The following AOAH variants were observed in gnomAD, a reference collection of about 807,000 sequenced individuals.
The protein encoded by AOAH is acyloxyacyl hydrolase (neutrophil).
In AOAH, 64 loss-of-function variants were observed where a neutral mutation model predicts 92.2. That is an observed-to-expected ratio of 0.69 (90% confidence interval 0.57 to 0.86). The LOEUF is 0.86. Among genes scored for constraint, AOAH ranks in the 40% least tolerant of loss-of-function variants. AOAH has a pLI of 0.00. For synonymous variants in AOAH, 263 were observed against 254.5 expected, an observed-to-expected ratio of 1.03 and a Z score of -0.32; for missense variants, 656 against 694.6, an observed-to-expected ratio of 0.94 and a Z score of 0.62.
intron 2 of AOAH, among the ~76,000 whole-genome samples, chr7:36,679,745 C>T (rs973685112): frequency 1.3e-5 from 2 of 152,106 alleles, no homozygotes; most frequent in African/African-American, 4.8e-5. Flanking sequence ...GCAACCTCCA[C>T]CTCCAGTGTT....
intron 1 of AOAH, among the ~76,000 whole-genome samples, chr7:36,707,687 G>A (rs1395915934): frequency 6.6e-6 from 1 of 152,130 alleles, no homozygotes; most frequent in African/African-American, 2.4e-5. Flanking sequence ...TCCAGTAAGT[G>A]ATAAGTCATT....
chr7:36,517,070 C>T (rs1783760725), intron 20 of AOAH, among the ~76,000 whole-genome samples: 1 of 152,164 alleles, frequency 6.6e-6, no homozygotes, highest in Non-Finnish European at 1.5e-5. Flanking sequence ...CTATGGGTTT[C>T]TCATACCGCA....
At chr7:36,605,450 G>T (rs1790927303) in intron 11 of AOAH, among the ~76,000 whole-genome samples, 1 of 152,100 alleles carries the variant, frequency 6.6e-6, no homozygotes, top group South Asian at 2.1e-4. Context: ...ATTAACCAGG[G>T]GACAAGAGAT....
Position 36,614,202 on chromosome 7 carries a change from C to T in AOAH, c.846+2178G>A, listed in dbSNP as rs894554763. Reference sequence around the variant, plus strand: ...GCACCACCCCCTTCTCTAATGGACACGGTGGCTCTTGGGACGAGTCTGTTG... The same window carrying T: ...GCACCACCCCCTTCTCTAATGGACATGGTGGCTCTTGGGACGAGTCTGTTG... On this transcript the variant is annotated intron_variant, in intron 11 of 20. Transcript: ENST00000617537. The surrounding 1 kb of genome is among the most constrained non-coding windows in gnomAD (Gnocchi z 4.2). Among the ~76,000 whole-genome samples, 5 of 152,174 alleles carry T rather than the reference C, an allele frequency of 3.3e-5. No individual in the cohort carries two copies. The highest frequency in any genetic ancestry group is 7.2e-5 in the African/African-American group (3 of 41,430).
rs1018834889 is a variant in AOAH, at chr7:36,692,078, T to C, written c.128-5284A>G. Among the ~76,000 whole-genome samples, 32 of 152,308 alleles carry C rather than the reference T, an allele frequency of 2.1e-4. 1 individual carries two copies. Among genetic ancestry groups the C allele is most frequent in the African/African-American group, 7.7e-4 (32 of 41,558 alleles). The stretch of plus-strand genomic sequence containing the variant: ...AACTGTGCCCAGCTCACAGAATATC[T>C]TGGGCTCATAAATGATGGTTGTGTA... On this transcript the variant is annotated intron_variant, in intron 1 of 20. Coordinates refer to ENST00000617537, the MANE Select transcript of AOAH (RefSeq NM_001637.4).
intron 11 of AOAH, among the ~76,000 whole-genome samples, chr7:36,608,334 G>C (rs1791154271): frequency 6.6e-6 from 1 of 152,174 alleles, no homozygotes; most frequent in Admixed American, 6.5e-5. Context: ...CTGGACCTTT[G>C]ATTCTGGAGA....
intron 3 of AOAH, among the ~76,000 whole-genome samples, chr7:36,660,317 T>C (rs1479666091): frequency 1.3e-5 from 2 of 152,062 alleles, no homozygotes; most frequent in East Asian, 3.9e-4. Context: ...CTTTTGTTTG[T>C]TTGTTTTTGT....
At chr7:36,628,472 T>A (rs1184310623) in intron 6 of AOAH, among the ~76,000 whole-genome samples, 1 of 152,194 alleles carries the variant, frequency 6.6e-6, no homozygotes, top group Non-Finnish European at 1.5e-5. Context: ...CATTTATTCA[T>A]TGAGCTCCTC....
At chr7:36,565,346 A>G (rs570128494) in intron 13 of AOAH, among the ~76,000 whole-genome samples, 1 of 152,166 alleles carries the variant, frequency 6.6e-6, no homozygotes, top group South Asian at 2.1e-4. Context: ...AGTTGGGCTC[A>G]CCAGATATTT....
At chr7:36,548,800 C>A in intron 14 of AOAH, 114 bp from the exon 15 acceptor site, 1 of 689,984 alleles carries the variant, frequency 1.4e-6, no homozygotes, top group South Asian at 1.6e-5. Context: ...CTCTTGGCAA[C>A]TTTTTGCTAT....
intron 4 of AOAH, among the ~76,000 whole-genome samples, chr7:36,639,498 A>AAACATGGAATAGCAAAACATGGAAT (rs1793752301): frequency 6.6e-6 from 1 of 152,212 alleles, no homozygotes; most frequent in Non-Finnish European, 1.5e-5. Context: ...ATGGAAATAA[A>AAACATGGAATAGCAAAACATGGAAT]AGCAAAAGAA....
intron 20 of AOAH, among the ~76,000 whole-genome samples, chr7:36,519,657 C>T (rs916061233): frequency 1.4e-4 from 22 of 152,160 alleles, no homozygotes; most frequent in South Asian, 2.1e-4. Context: ...CTAGAACTCC[C>T]GACCTCAGGT....
intron 1 of AOAH, among the ~76,000 whole-genome samples, chr7:36,708,716 C>A (rs558801478): frequency 6.6e-6 from 1 of 152,124 alleles, no homozygotes; most frequent in African/African-American, 2.4e-5. Context: ...TTTCTAGTAA[C>A]TTTCTGGGCT....
chr7:36,683,793 T>C lies in AOAH; in HGVS notation c.223+2906A>G, dbSNP rs916205838. On this transcript the variant is annotated intron_variant, in intron 2 of 20. Transcript: ENST00000617537. ...GCTGACATGTGTAAATGTATATACA[T>C]GTTTCCTATTTCTGTCCACTGAAAA... is the stretch of plus-strand genomic sequence containing the variant. Among the ~76,000 whole-genome samples the C allele has an allele frequency of 2.0e-4, 31 of 152,320 alleles. 1 individual carries two copies. The highest frequency in any genetic ancestry group is 6.8e-3 in the Middle Eastern group (2 of 294).
chr7:36,619,807 A>C (rs1265575068), intron 9 of AOAH, among the ~76,000 whole-genome samples: 1 of 152,186 alleles, frequency 6.6e-6, no homozygotes, highest in African/African-American at 2.4e-5. Flanking sequence ...TAAATTAAGC[A>C]ACTCTTTAGA....
At chr7:36,670,858 G>GC (rs11388151) in intron 3 of AOAH, among the ~76,000 whole-genome samples, 118,727 of 151,650 alleles carry the variant, frequency 0.78, 46,861 homozygotes, top group East Asian at 0.93. Flanking sequence ...CTGCAGTGAT[G>GC]AGTATTGTGT....
chr7:36,646,153 T>C (rs1338129919), intron 4 of AOAH, among the ~76,000 whole-genome samples: 1 of 152,238 alleles, frequency 6.6e-6, no homozygotes, highest in African/African-American at 2.4e-5. Context: ...TCAAGTTCTA[T>C]ACCAAACATC....
chr7:36,576,748 TA>T, intron 12 of AOAH, 92 bp from the exon 13 acceptor site: 1 of 616,218 alleles, frequency 1.6e-6, no homozygotes, highest in South Asian at 2.8e-5. Flanking sequence ...TTTAAAAAAA[TA>T]TGGTTAAAAT....
rs186797236 is a variant in AOAH, at chr7:36,639,331, C to G, written c.391-1421G>C. ...TGGCTACTTTTATCAGCAAAGAGCTCATTCCCCACATTTTAAAATGTGAAG... is the reference window on the plus strand; with the variant it reads ...TGGCTACTTTTATCAGCAAAGAGCTGATTCCCCACATTTTAAAATGTGAAG... On this transcript the variant is annotated intron_variant, in intron 4 of 20. Transcript: ENST00000617537. Among the ~76,000 whole-genome samples, 526 of 152,294 alleles carry G rather than the reference C, an allele frequency of 3.5e-3. 5 individuals carry two copies. Among genetic ancestry groups the G allele is most frequent in the African/African-American group, 0.012 (507 of 41,564 alleles).
Sources: gnomAD v4.1 joint callset for allele counts (sites outside exome capture counted in the v4.1 genomes callset) on GRCh38, gnomAD v4.1.1 for gene constraint, Gnocchi (gnomAD v3.1) non-coding constraint, MANE v1.5 for transcripts, NCBI Gene and HGNC (gene_info 2026-07-23, HGNC 2026-07-21) for gene names.